The following DSCAM variants were observed in gnomAD, a reference collection of about 807,000 sequenced individuals.
The protein encoded by DSCAM is DS cell adhesion molecule, also known as cell adhesion molecule DSCAM.
In DSCAM, 47 loss-of-function variants were observed where a neutral mutation model predicts 217.7. The ratio of observed to expected loss-of-function variants is 0.22; its 90% confidence interval spans 0.17 to 0.28. The LOEUF is 0.28. DSCAM is among the 10% of genes least tolerant of loss of function. DSCAM has a pLI of 1.00. For synonymous variants in DSCAM, 1,056 were observed against 1,015.3 expected (o/e 1.04, Z -0.76); for missense variants, 2,080 against 2,618.3 (o/e 0.79, Z 4.49).
At chr21:40,090,659 T>A (rs947432807) in intron 21 of DSCAM, among the ~76,000 whole-genome samples, 15 of 152,002 alleles carry the variant, frequency 9.9e-5, no homozygotes, top group African/African-American at 3.6e-4. Context: ...CTGCTCCCAC[T>A]CCCTTTGAGA....
At chr21:40,050,402 G>T (rs1270967956) in intron 30 of DSCAM, among the ~76,000 whole-genome samples, 1 of 152,060 alleles carries the variant, frequency 6.6e-6, no homozygotes, top group African/African-American at 2.4e-5. Flanking sequence ...ACCCATTGGA[G>T]CAGTGTCTTG....
Position 40,515,503 on chromosome 21 carries a change from GAC to G in DSCAM, c.509-146260_509-146259del, listed in dbSNP as rs60311112. On this transcript the variant is annotated intron_variant, in intron 3 of 32. Coordinates refer to ENST00000400454, the MANE Select transcript of DSCAM (RefSeq NM_001389.5). Reference sequence around the variant, plus strand: ...TTCAACATTATCTTCTGAGAACAAGGACAGTCTTTTATACAACCACGGAACGG... The same window carrying G: ...TTCAACATTATCTTCTGAGAACAAGGAGTCTTTTATACAACCACGGAACGG... Among the ~76,000 whole-genome samples, 930 of 152,252 alleles carry G rather than the reference GAC, an allele frequency of 6.1e-3. 47 individuals are homozygous for G. In the East Asian group the frequency reaches 0.15, roughly 25 times the overall value.
chr21:40,337,490 A>G (rs770722965), intron 8 of DSCAM, among the ~76,000 whole-genome samples: 44 of 152,064 alleles, frequency 2.9e-4, no homozygotes, highest in Admixed American at 6.6e-4. Flanking sequence ...TGATCACCTT[A>G]TTGTTTTTTT....
rs201295002 is a variant in DSCAM, at chr21:40,721,018, CAG to C, written c.44-12249_44-12248del. On this transcript the variant is annotated intron_variant, in intron 1 of 32. Coordinates refer to ENST00000400454, the MANE Select transcript of DSCAM (RefSeq NM_001389.5). The stretch of plus-strand genomic sequence containing the variant: ...TGGGTGAAAATCTGTGAAGCTCACA[CAG>C]GGGAGAAAATAGTTCATGTTTCAAC... 9.5e-3 allele frequency among the ~76,000 whole-genome samples: 1,449 copies of C among 152,254 alleles called. 20 individuals carry two copies. Among genetic ancestry groups the C allele is most frequent in the East Asian group, 0.065 (338 of 5,170 alleles).
intron 3 of DSCAM, among the ~76,000 whole-genome samples, chr21:40,638,369 T>A (rs2089834766): frequency 6.6e-6 from 1 of 152,210 alleles, no homozygotes; most frequent in South Asian, 2.1e-4. Flanking sequence ...CAAAGGGTGG[T>A]GGTCTGCATG....
In DSCAM at chr21:40,557,595, A is replaced by G. The variant is rs907510313; in HGVS notation, c.508+135215T>C. 3.9e-5 allele frequency among the ~76,000 whole-genome samples: 6 copies of G among 152,214 alleles called. 1 individual carries two copies. Among genetic ancestry groups the G allele is most frequent in the African/African-American group, 1.4e-4 (6 of 41,532 alleles). On this transcript the variant is annotated intron_variant, in intron 3 of 32. Coordinates refer to ENST00000400454, the MANE Select transcript of DSCAM (RefSeq NM_001389.5). ...CGTGATCTGCCCACCTCGTCTTCCC[A>G]AAGTGTTGAGATGACAGGCGTGAGC...
At chr21:40,131,194 TTGAC>T (rs2090151012) in intron 19 of DSCAM, among the ~76,000 whole-genome samples, 1 of 152,246 alleles carries the variant, frequency 6.6e-6, no homozygotes, top group Admixed American at 6.5e-5. Flanking sequence ...TGTAATCAAT[TTGAC>T]TGGGCATTTG....
At position 40,673,899 on chromosome 21, in the gene DSCAM, C is replaced by T. The variant is rs1422865637; in HGVS notation, c.508+18911G>A. Among the ~76,000 whole-genome samples the T allele has an allele frequency of 2.6e-5, 4 of 152,262 alleles. No homozygotes were observed. In the South Asian group the frequency reaches 6.2e-4, roughly 24 times the overall value. ...CTGCAGAACCGTGAGCCGGTTAAAT[C>T]TCTTTTCCTTATAAATTACCCAGCC... On this transcript the variant is annotated intron_variant, in intron 3 of 32. Coordinates refer to ENST00000400454, the MANE Select transcript of DSCAM (RefSeq NM_001389.5).
chr21:40,019,959 CTT>C (rs572258356), intron 32 of DSCAM, among the ~76,000 whole-genome samples: 13 of 152,106 alleles, frequency 8.5e-5, no homozygotes, highest in Admixed American at 6.6e-4. Context: ...CCTCCTGTCT[CTT>C]TATCTCTTTC....
chr21:40,559,350 G>C (rs1015687975), intron 3 of DSCAM, among the ~76,000 whole-genome samples: 29 of 151,754 alleles, frequency 1.9e-4, no homozygotes, highest in African/African-American at 6.0e-4. Context: ...CCCAGCTACT[G>C]GGGAGGCTGA....
intron 3 of DSCAM, among the ~76,000 whole-genome samples, chr21:40,599,211 T>C (rs556107087): frequency 6.6e-6 from 1 of 152,272 alleles, no homozygotes; most frequent in African/African-American, 2.4e-5. Flanking sequence ...TTTTTTTTAT[T>C]ATTATTATTT....
chr21:40,626,828 C>T (rs975877645), intron 3 of DSCAM, among the ~76,000 whole-genome samples: 8 of 152,234 alleles, frequency 5.3e-5, no homozygotes, highest in African/African-American at 1.4e-4. Flanking sequence ...GCTAAAATGG[C>T]GAAGAATCAG....
intron 32 of DSCAM, among the ~76,000 whole-genome samples, chr21:40,033,396 T>C (rs2088568409): frequency 6.6e-6 from 1 of 152,034 alleles, no homozygotes; most frequent in Admixed American, 6.5e-5. Context: ...CCTTTCCTAG[T>C]CAAAGAAAGG....
intron 3 of DSCAM, among the ~76,000 whole-genome samples, chr21:40,410,521 G>A (rs1055287516): frequency 6.6e-6 from 1 of 151,896 alleles, no homozygotes; most frequent in Non-Finnish European, 1.5e-5. Context: ...AGCCACAGAT[G>A]CAATAAGTAC....
At chr21:40,305,508 C>A (rs1210437758) in intron 9 of DSCAM, among the ~76,000 whole-genome samples, 1 of 151,934 alleles carries the variant, frequency 6.6e-6, no homozygotes, top group African/African-American at 2.4e-5. Context: ...GACATGAAAT[C>A]CTTGCCCATG....
rs1003649177 is a variant in DSCAM, at chr21:40,507,574, C to A, written c.509-138329G>T. Among the ~76,000 whole-genome samples the A allele has an allele frequency of 2.8e-4, 42 of 152,100 alleles. 1 individual carries two copies. The highest frequency in any genetic ancestry group is 9.4e-4 in the African/African-American group (39 of 41,512). On this transcript the variant is annotated intron_variant, in intron 3 of 32. Coordinates refer to ENST00000400454, the MANE Select transcript of DSCAM (RefSeq NM_001389.5). ...AGGAGGCTGAGGTGGGCGGATCACT[C>A]GAGCTCAGGAGTTTGAGACCAGCCT... is the stretch of plus-strand genomic sequence containing the variant.
intron 3 of DSCAM, among the ~76,000 whole-genome samples, chr21:40,422,264 C>T (rs2075431745): frequency 6.6e-6 from 1 of 152,068 alleles, no homozygotes; most frequent in Admixed American, 6.6e-5. Flanking sequence ...GGGCATATAC[C>T]CTAAAAGTCT....
At chr21:40,293,298 C>T (rs1209040105) in intron 10 of DSCAM, among the ~76,000 whole-genome samples, 1 of 152,178 alleles carries the variant, frequency 6.6e-6, no homozygotes, top group South Asian at 2.1e-4. Context: ...GGAGGGGCAG[C>T]CATCTCCCTT....
chr21:40,141,488 C>T (rs977358205), intron 18 of DSCAM, among the ~76,000 whole-genome samples: 9 of 152,116 alleles, frequency 5.9e-5, no homozygotes, highest in Non-Finnish European at 7.4e-5. Flanking sequence ...TGGTGGTGCA[C>T]GCCTGCAATC....
Sources: allele counts gnomAD v4.1 joint callset (sites outside exome capture counted in the v4.1 genomes callset), GRCh38; gene constraint gnomAD v4.1.1; transcripts MANE v1.5; gene names NCBI Gene and HGNC (gene_info 2026-07-23, HGNC 2026-07-21).